The following PABPC1 variants were observed in gnomAD, a reference collection of about 807,000 sequenced individuals.
PABPC1 encodes polyadenylate-binding protein 1.
PABPC1 carries 4 observed loss-of-function variants against 74.0 expected under a neutral mutation model. That is an observed-to-expected ratio of 0.05 (90% CI 0.03 to 0.12). The LOEUF (loss-of-function observed/expected upper bound fraction) is 0.12. Among genes scored for constraint, PABPC1 ranks in the 10% least tolerant of loss-of-function variants. PABPC1 has a pLI of 1.00. For missense variants in PABPC1, 271 were observed against 821.1 expected (o/e 0.33, Z 8.19); for synonymous variants, 227 against 264.1 (o/e 0.86, Z 1.36).
At chr8:100,708,880 A>AAAAT (rs60749457) in intron 9 of PABPC1, among the ~76,000 whole-genome samples, 63,009 of 145,152 alleles carry the variant, frequency 0.43, 13,523 homozygotes, top group African/African-American at 0.52. Context: ...CTCTGTCTCG[A>AAAAT]AAATAAATAA....
chr8:100,717,257 C>G (rs1182042935), intron 3 of PABPC1, among the ~76,000 whole-genome samples: 3 of 152,190 alleles, frequency 2.0e-5, no homozygotes, highest in African/African-American at 7.2e-5. Context: ...ATCCGCCCAC[C>G]TCGGCCTCCC....
At chr8:100,714,463 G>C (rs1302908127) in intron 4 of PABPC1, among the ~76,000 whole-genome samples, 1 of 152,186 alleles carries the variant, frequency 6.6e-6, no homozygotes, top group African/African-American at 2.4e-5. Flanking sequence ...AGGCACAGTG[G>C]CTCACACCTG....
rs931678861 is a variant in PABPC1 at position 100,721,638 on chromosome 8, G to A, written c.-55C>T. ...CCGCGACCTTTCCGTGAGAGGAGGA[G>A]AGCGAGTGCCGGGGCTGGGGGCCGG... On this transcript the variant is annotated 5_prime_UTR_variant, in exon 1 of 15. Coordinates refer to ENST00000318607, the MANE Select transcript of PABPC1 (RefSeq NM_002568.4). This position sits in a 1 kb window ranked among gnomAD's most constrained non-coding sequence, Gnocchi z 7.4. 2.9e-6 allele frequency: 4 copies of A among 1,376,164 alleles called. No individual in the cohort carries two copies. Among genetic ancestry groups the A allele is most frequent in the East Asian group, 2.8e-5 (1 of 35,692 alleles). 85.2% of individuals were successfully genotyped at this position (1,376,164 alleles called of 1,614,324 possible).
intron 4 of PABPC1, 120 bp from the exon 5 acceptor site, chr8:100,713,301 T>C (rs898842699): frequency 1.9e-6 from 1 of 534,178 alleles, no homozygotes; most frequent in South Asian, 3.2e-5. Flanking sequence ...GACTCCTCCC[T>C]CCCAGCCTTC....
chr8:100,721,142 G>A lies in PABPC1; in HGVS notation c.193+249C>T, dbSNP rs376659278. Among the ~76,000 whole-genome samples the A allele has an allele frequency of 2.7e-3, 408 of 152,258 alleles. No individual in the cohort carries two copies. Among genetic ancestry groups the A allele is most frequent in the African/African-American group, 9.2e-3 (384 of 41,558 alleles). On this transcript the variant is annotated intron_variant, in intron 1 of 14. Transcript: ENST00000318607. The surrounding 1 kb of genome is among the most constrained non-coding windows in gnomAD (Gnocchi z 7.4). ...CCGGCGCGTCATCACCCTAAAGTTT[G>A]AGAGCGTCTGAGGCCGAGAAAATGG...
chr8:100,709,896 C>T (rs1810483316), intron 7 of PABPC1, 165 bp from the exon 8 acceptor site: 1 of 778,650 alleles, frequency 1.3e-6, no homozygotes, highest in Non-Finnish European at 2.0e-6. Context: ...TCCTTAATAC[C>T]CAATTATTAA....
At position 100,712,253 on chromosome 8, in the gene PABPC1, C is replaced by A. The variant is rs549851037; in HGVS notation, c.972+109G>T. ...ATGTGAATTTAAGTTTTAGAAGTAA[C>A]GAAGCAAACACCTCTCTAGTGGCTA... On this transcript the variant is annotated intron_variant, in intron 7 of 14. Transcript: ENST00000318607. The A allele has an allele frequency of 9.5e-6, 6 of 631,028 alleles. No individual in the cohort carries two copies. In the South Asian group the frequency reaches 1.5e-4, roughly 16 times the overall value. The allele number at this position is 631,028 out of a possible 1,614,324, so 39.1% of individuals were successfully genotyped here.
At chr8:100,707,345 C>CCAGT (rs1810407387) in intron 9 of PABPC1, among the ~76,000 whole-genome samples, 1 of 151,000 alleles carries the variant, frequency 6.6e-6, no homozygotes, top group Non-Finnish European at 1.5e-5. Flanking sequence ...GACGCGGAGA[C>CCAGT]CAGTAGTGGC....
intron 4 of PABPC1, among the ~76,000 whole-genome samples, chr8:100,713,495 T>TC (rs1554596185): frequency 2.6e-5 from 4 of 152,182 alleles, no homozygotes. Flanking sequence ...TTTGATTTTT[T>TC]CCCTTTTCTA....
At chr8:100,717,322 A>T (rs1419295234) in intron 3 of PABPC1, among the ~76,000 whole-genome samples, 1 of 152,144 alleles carries the variant, frequency 6.6e-6, no homozygotes, top group African/African-American at 2.4e-5. Flanking sequence ...TGAGTAATGT[A>T]TGTCTCTCAT....
intron 5 of PABPC1, 86 bp downstream of exon 5, chr8:100,713,001 A>T (rs771126332): frequency 7.5e-6 from 8 of 1,059,882 alleles, no homozygotes; most frequent in Non-Finnish European, 1.1e-5. Context: ...GAACATGTCA[A>T]ATAGCTATTA....
intron 14 of PABPC1, among the ~76,000 whole-genome samples, chr8:100,703,669 G>A (rs537864525): frequency 2.0e-5 from 3 of 152,184 alleles, no homozygotes; most frequent in Admixed American, 6.5e-5. Flanking sequence ...ATGAAAGACA[G>A]TAGTAGAGAC....
Position 100,712,264 on chromosome 8 carries a change from C to T in PABPC1, c.972+98G>A, listed in dbSNP as rs960193788. 3 of 676,478 alleles carry T rather than the reference C, an allele frequency of 4.4e-6. No homozygotes were observed. The African/African-American group carries it at 5.5e-5, about 12-fold the overall frequency. The allele number at this position is 676,478 out of a possible 1,614,324, so 41.9% of individuals were successfully genotyped here. On this transcript the variant is annotated intron_variant, in intron 7 of 14. Coordinates refer to ENST00000318607, the MANE Select transcript of PABPC1 (RefSeq NM_002568.4). ...AGTTTTAGAAGTAACGAAGCAAACA[C>T]CTCTCTAGTGGCTATAATAATACAA...
chr8:100,707,283 A>G (rs950518755), intron 9 of PABPC1: 7 of 274,566 alleles, frequency 2.5e-5, no homozygotes, highest in Admixed American at 2.5e-4. Context: ...GACACGAGAC[A>G]CAGAGATTTA....
At chr8:100,719,392 T>TC (rs1427072825) in intron 1 of PABPC1, among the ~76,000 whole-genome samples, 1 of 151,892 alleles carries the variant, frequency 6.6e-6, no homozygotes, top group Non-Finnish European at 1.5e-5. Flanking sequence ...TCCCTAGTTT[T>TC]TTTTTTTTTT....
rs769662737 is a variant in PABPC1, at chr8:100,715,496, A to G, written c.609T>C (p.Asp203=). ...CAAAGAGATCCTTAAGGCGCTCATC[A>G]TCCATGTCTTCTCCAAAATTCTTGA... ...VYIKNFGEDM[D]DERLKDLFGK... The change falls in exon 4 of 15, where the codon GAT becomes GAC. Residue 203 remains aspartate (D), a synonymous_variant. Coordinates refer to ENST00000318607, the MANE Select transcript of PABPC1 (RefSeq NM_002568.4). 6.2e-7 allele frequency: 1 copy of G among 1,612,908 alleles called. No individual in the cohort carries two copies. The highest frequency in any genetic ancestry group is 8.5e-7 in the Non-Finnish European group (1 of 1,179,254).
rs1001274738 is a variant in PABPC1 at position 100,704,233 on chromosome 8, C to T, written c.*1+64G>A. 7.2e-6 allele frequency: 9 copies of T among 1,257,068 alleles called. No individual in the cohort carries two copies. The South Asian group carries it at 1.1e-4, about 15-fold the overall frequency. The allele number at this position is 1,257,068 out of a possible 1,614,324, so 77.9% of individuals were successfully genotyped here. On this transcript the variant is annotated intron_variant, in intron 14 of 14. Coordinates refer to ENST00000318607, the MANE Select transcript of PABPC1 (RefSeq NM_002568.4). The stretch of plus-strand genomic sequence containing the variant: ...TGCTATGTACATTTCAAAATATGCT[C>T]AACAAACTTTATAAAAGATGAAGAA...
intron 9 of PABPC1, 79 bp from the exon 10 acceptor site, chr8:100,707,076 T>C: frequency 1.9e-6 from 2 of 1,061,508 alleles, no homozygotes; most frequent in Admixed American, 2.2e-5. Flanking sequence ...TTCTTCGATC[T>C]GAGGTTTGCA....
At position 100,703,357 on chromosome 8, in the gene PABPC1, A is replaced by G. The variant is rs768598205; in HGVS notation, c.*4T>C. On this transcript the variant is annotated splice_region_variant and 3_prime_UTR_variant, in exon 15 of 15. Transcript: ENST00000318607. ...AAGTTTCTTTTCATGGTCCCTGATC[A>G]ATCTGTAAATGTTAAAAAAACAAAT... is the stretch of plus-strand genomic sequence containing the variant. 1 of 155,734 alleles carries G rather than the reference A, an allele frequency of 6.4e-6. No homozygotes were observed. Among genetic ancestry groups the G allele is most frequent in the Non-Finnish European group, 1.5e-5 (1 of 68,028 alleles). The allele number at this position is 155,734 out of a possible 1,614,324, so 9.6% of individuals were successfully genotyped here.
Sources: gnomAD v4.1 joint callset for allele counts (sites outside exome capture counted in the v4.1 genomes callset) on GRCh38, gnomAD v4.1.1 for gene constraint, Gnocchi (gnomAD v3.1) non-coding constraint, MANE v1.5 for transcripts, NCBI Gene and HGNC (gene_info 2026-07-23, HGNC 2026-07-21) for gene names.